Variants in DCLK2 observed in about 807,000 individuals in gnomAD.
DCLK2 encodes serine/threonine-protein kinase DCLK2.
DCLK2 carries 31 observed loss-of-function variants against 78.4 expected under a neutral mutation model. That is an observed-to-expected ratio of 0.40 (90% CI 0.30 to 0.53). DCLK2 has a LOEUF of 0.53. Among genes scored for constraint, DCLK2 ranks in the 20% least tolerant of loss-of-function variants. The pLI is 0.61. For missense variants in DCLK2, 872 were observed against 973.7 expected (o/e 0.90, Z 1.39); for synonymous variants, 407 against 374.9 (o/e 1.09, Z -0.99).
At chr4:150,160,175 G>T (rs1197729919) in intron 2 of DCLK2, among the ~76,000 whole-genome samples, 1 of 151,960 alleles carries the variant, frequency 6.6e-6, no homozygotes, top group Non-Finnish European at 1.5e-5. Flanking sequence ...GCTACCACAT[G>T]CCTGGCTAAC....
chr4:150,155,548 T>A (rs1414518999), intron 2 of DCLK2, among the ~76,000 whole-genome samples: 1 of 152,192 alleles, frequency 6.6e-6, no homozygotes, highest in African/African-American at 2.4e-5. Flanking sequence ...AAAATGTGTC[T>A]GGCAGTGACC....
chr4:150,202,930 G>A (rs1320359149), intron 4 of DCLK2, among the ~76,000 whole-genome samples: 1 of 152,084 alleles, frequency 6.6e-6, no homozygotes, highest in Non-Finnish European at 1.5e-5. Context: ...CTGTAGTACA[G>A]AATCTGCAAA....
chr4:150,188,132 A>T (rs1738094591), intron 2 of DCLK2, among the ~76,000 whole-genome samples: 1 of 152,068 alleles, frequency 6.6e-6, no homozygotes, highest in South Asian at 2.1e-4. Flanking sequence ...TATAGCTGTC[A>T]TTTCTTTGCC....
chr4:150,193,763 A>G (rs1738653422), intron 3 of DCLK2, among the ~76,000 whole-genome samples: 1 of 151,668 alleles, frequency 6.6e-6, no homozygotes, highest in African/African-American at 2.4e-5. Context: ...TTTTTTTTTA[A>G]TTGAGACAGT....
At chr4:150,178,399 A>AT (rs1560838721) in intron 2 of DCLK2, among the ~76,000 whole-genome samples, 1 of 152,212 alleles carries the variant, frequency 6.6e-6, no homozygotes, top group Non-Finnish European at 1.5e-5. Flanking sequence ...CACTTTTAAA[A>AT]TGTTGCCATA....
Position 150,248,404 on chromosome 4 carries a change from A to G in DCLK2, c.1956+19A>G, listed in dbSNP as rs1332601615. 14 of 1,605,262 alleles carry G rather than the reference A, an allele frequency of 8.7e-6. No individual in the cohort carries two copies. The highest frequency in any genetic ancestry group is 3.3e-5 in the South Asian group (3 of 90,884). On this transcript the variant is annotated intron_variant, in intron 14 of 15. Coordinates refer to ENST00000296550, the MANE Select transcript of DCLK2 (RefSeq NM_001040260.4). ...GGTGTCAGTAAGTACCCACATTCCC[A>G]GGGAATGGGCCTCACTGTGCTCTGT... is the stretch of plus-strand genomic sequence containing the variant.
chr4:150,109,695 A>G (rs1731528428), intron 2 of DCLK2, among the ~76,000 whole-genome samples: 1 of 152,208 alleles, frequency 6.6e-6, no homozygotes, highest in African/African-American at 2.4e-5. Flanking sequence ...TACTAAATAC[A>G]TTCGCACTTG....
intron 8 of DCLK2, among the ~76,000 whole-genome samples, chr4:150,226,466 A>G (rs1741623196): frequency 6.6e-6 from 1 of 152,064 alleles, no homozygotes; most frequent in South Asian, 2.1e-4. Flanking sequence ...AGCAGAACGT[A>G]TCATAATTTG....
intron 1 of DCLK2, among the ~76,000 whole-genome samples, chr4:150,095,767 C>T (rs764049926): frequency 1.3e-5 from 2 of 152,140 alleles, no homozygotes; most frequent in Non-Finnish European, 1.5e-5. Context: ...ATGAAGGTTC[C>T]TATTGCTTTA....
intron 2 of DCLK2, among the ~76,000 whole-genome samples, chr4:150,110,019 T>G (rs1731552152): frequency 6.6e-6 from 1 of 152,224 alleles, no homozygotes; most frequent in African/African-American, 2.4e-5. Context: ...CATTTTGATA[T>G]CCGTTGTAAA....
intron 2 of DCLK2, among the ~76,000 whole-genome samples, chr4:150,128,096 CATT>C (rs1733043282): frequency 6.6e-6 from 1 of 151,612 alleles, no homozygotes; most frequent in Non-Finnish European, 1.5e-5. Flanking sequence ...TTTCTGGAGA[CATT>C]GTTGGATGTT....
In DCLK2 at chr4:150,247,841, T is replaced by C. The variant is rs554933938; in HGVS notation, c.1875+142T>C. ...TGGTTCTTCTTTTAAGTTTATCCCA[T>C]GGTATGGTCTCTGAAGTTCTTGGCC... On this transcript the variant is annotated intron_variant, in intron 13 of 15. Transcript: ENST00000296550. The C allele has an allele frequency of 1.5e-5, 10 of 659,964 alleles. No homozygotes were observed. The Admixed American group carries it at 2.3e-4, about 15-fold the overall frequency. 40.9% of individuals were successfully genotyped at this position (659,964 alleles called of 1,614,324 possible).
At chr4:150,254,007 G>T (rs924465487) in intron 15 of DCLK2, 1 of 696,472 alleles carries the variant, frequency 1.4e-6, no homozygotes, top group Non-Finnish European at 1.8e-6. Context: ...TTTCAGGCAG[G>T]GCTGAGGTGT....
Position 150,102,495 on chromosome 4 carries a change from G to T in DCLK2, c.439G>T (p.Ala147Ser). Reference sequence around the variant, plus strand: ...CTTTTTAGGTGAGAGTTACGTGTGTGCATCCAATGAACCATTTCGTAAAGT... The same window carrying T: ...CTTTTTAGGTGAGAGTTACGTGTGTTCATCCAATGAACCATTTCGTAAAGT... The part of the protein sequence containing the change: ...ELLEGESYVC[A>S]SNEPFRKVDY... Residue 147 changes from alanine (A) to serine (S), a missense_variant, in exon 2 of 16, where the codon GCA becomes TCA. This residue lies in a region of DCLK2 where 567 missense variants were observed against 593.4 expected (regional missense o/e 0.96). Coordinates refer to ENST00000296550, the MANE Select transcript of DCLK2 (RefSeq NM_001040260.4). 1 of 1,613,078 alleles carries T rather than the reference G, an allele frequency of 6.2e-7. No individual in the cohort carries two copies. The highest frequency in any genetic ancestry group is 8.5e-7 in the Non-Finnish European group (1 of 1,179,200).
At chr4:150,154,813 T>C (rs935216128) in intron 2 of DCLK2, among the ~76,000 whole-genome samples, 1 of 152,246 alleles carries the variant, frequency 6.6e-6, no homozygotes, top group Admixed American at 6.5e-5. Flanking sequence ...AATGTACCAA[T>C]TTTTACTGCA....
At chr4:150,230,085 G>GC (rs140845301) in intron 8 of DCLK2, among the ~76,000 whole-genome samples, 17,534 of 152,140 alleles carry the variant, frequency 0.12, 1,622 homozygotes, top group South Asian at 0.49. Context: ...GTTGAGAAAG[G>GC]CTAACAGCTC....
chr4:150,240,472 C>A lies in DCLK2; in HGVS notation c.1774C>A (p.Arg592=), dbSNP rs978601265. The part of the protein sequence containing the change: ...YILLCGFPPF[R]SENNLQEDLF... ...ACTTCTCTGTGGATTCCCACCATTC[C>A]GAAGGTAGGCGGCCTTTTGGGCGAC... Residue 592 remains arginine (R), a synonymous_variant, in exon 12 of 16, where the codon CGA becomes AGA. Coordinates refer to ENST00000296550, the MANE Select transcript of DCLK2 (RefSeq NM_001040260.4). 6.2e-7 allele frequency: 1 copy of A among 1,611,204 alleles called. No individual in the cohort carries two copies. The highest frequency in any genetic ancestry group is 1.3e-5 in the African/African-American group (1 of 74,796).
chr4:150,237,225 A>C (rs1742576912), intron 10 of DCLK2, among the ~76,000 whole-genome samples: 1 of 77,818 alleles, frequency 1.3e-5, no homozygotes, highest in South Asian at 7.3e-4. Flanking sequence ...AAGCATTATA[A>C]ATTCTAACTA....
Position 150,078,890 on chromosome 4 carries a change from C to T in DCLK2, c.-138C>T. The T allele has an allele frequency of 1.7e-6, 2 of 1,195,434 alleles. No individual in the cohort carries two copies. Among genetic ancestry groups the T allele is most frequent in the Non-Finnish European group, 2.2e-6 (2 of 900,136 alleles). The allele number at this position is 1,195,434 out of a possible 1,614,324, so 74.1% of individuals were successfully genotyped here. A position where few individuals can be genotyped will look rare whatever the true frequency, so the allele number is the denominator to read the frequency against. On this transcript the variant is annotated 5_prime_UTR_variant, in exon 1 of 16. Transcript: ENST00000296550. ...CTCCTCCGCGGCTCCTCGGCCCCAC[C>T]TGCGCGGAGAGGGCGGGATGCCAGA...
Sources: allele counts gnomAD v4.1 joint callset (sites outside exome capture counted in the v4.1 genomes callset), GRCh38; gene constraint gnomAD v4.1.1; regional missense constraint gnomAD v4.1.1; transcripts MANE v1.5; gene names NCBI Gene and HGNC (gene_info 2026-07-23, HGNC 2026-07-21).